MINDY2: variants seen among roughly 807,000 people sequenced by gnomAD.
The protein encoded by MINDY2 is ubiquitin carboxyl-terminal hydrolase MINDY-2.
Under a neutral mutation model 68.2 loss-of-function variants are expected in MINDY2, and 52 were observed. That is an observed-to-expected ratio of 0.76 (90% CI 0.61 to 0.96). The LOEUF (loss-of-function observed/expected upper bound fraction) is 0.96, where lower values mean the gene tolerates loss of function less well. MINDY2 is among the 40% of genes least tolerant of loss of function. The pLI is 0.00. For missense variants in MINDY2, 881 were observed against 773.4 expected, an observed-to-expected ratio of 1.14 and a Z score of -1.65; for synonymous variants, 372 against 303.0, an observed-to-expected ratio of 1.23 and a Z score of -2.36.
intron 6 of MINDY2, among the ~76,000 whole-genome samples, chr15:58,839,950 A>G (rs1487924568): frequency 2.0e-5 from 3 of 151,654 alleles, no homozygotes; most frequent in Non-Finnish European, 4.4e-5. Context: ...CTCGTGCCTC[A>G]GCCTCCCAGG....
At chr15:58,794,373 G>GTT (rs1275916386) in intron 2 of MINDY2, among the ~76,000 whole-genome samples, 1 of 150,728 alleles carries the variant, frequency 6.6e-6, no homozygotes, top group Non-Finnish European at 1.5e-5. Context: ...GTGTGTGTGT[G>GTT]TGTGTGTGTG....
chr15:58,791,811 C>A (rs1595714625), intron 2 of MINDY2, among the ~76,000 whole-genome samples: 4 of 151,644 alleles, frequency 2.6e-5, no homozygotes, highest in African/African-American at 9.7e-5. Flanking sequence ...CATATATAAA[C>A]AGTAGTTAGA....
Position 58,847,459 on chromosome 15 carries a change from C to G in MINDY2, c.1531C>G (p.Gln511Glu). ...PETVYKGQQD[Q>E]IDQDYLMALS... ...AACTGTATACAAAGGACAACAAGAT[C>G]AGATAGATCAGGTAAATTTGTATTG... is the stretch of plus-strand genomic sequence containing the variant. The change falls in exon 7 of 9, where the codon CAG becomes GAG. Residue 511 changes from glutamine (Q) to glutamate (E), a missense_variant. Gln to Glu is a conservative substitution (Grantham distance 29). Coordinates refer to ENST00000559228, the MANE Select transcript of MINDY2 (RefSeq NM_001040450.3). 1.3e-6 allele frequency: 2 copies of G among 1,550,290 alleles called. No homozygotes were observed. Among genetic ancestry groups the G allele is most frequent in the Non-Finnish European group, 1.8e-6 (2 of 1,134,628 alleles).
chr15:58,830,913 G>A (rs778246542), intron 5 of MINDY2, among the ~76,000 whole-genome samples: 7 of 151,954 alleles, frequency 4.6e-5, no homozygotes, highest in Non-Finnish European at 8.8e-5. Context: ...GCATGAAAAT[G>A]CTGCAAGTAT....
intron 5 of MINDY2, 145 bp from the exon 6 acceptor site, chr15:58,831,629 C>A: frequency 1.7e-6 from 1 of 596,806 alleles, no homozygotes; most frequent in Non-Finnish European, 2.8e-6. Context: ...CACAAATGTC[C>A]AGTTTGGAGC....
At position 58,855,897 on chromosome 15, in the gene MINDY2, G is replaced by A. The variant is rs1269163282; in HGVS notation, c.*1287G>A. ...ATCGCCCTGCTGCACTCCAGCCTGG[G>A]TGACAGAGGGAGACTCCGTCTCAAA... is the stretch of plus-strand genomic sequence containing the variant. On this transcript the variant is annotated 3_prime_UTR_variant, in exon 9 of 9. Coordinates refer to ENST00000559228, the MANE Select transcript of MINDY2 (RefSeq NM_001040450.3). The A allele has an allele frequency of 6.6e-6, 1 of 152,300 alleles. No individual in the cohort carries two copies. The highest frequency in any genetic ancestry group is 1.5e-5 in the Non-Finnish European group (1 of 68,030). The allele number at this position is 152,300 out of a possible 1,614,324, so 9.4% of individuals were successfully genotyped here.
At chr15:58,797,665 T>C (rs1445188149) in intron 2 of MINDY2, among the ~76,000 whole-genome samples, 1 of 152,230 alleles carries the variant, frequency 6.6e-6, no homozygotes, top group African/African-American at 2.4e-5. Context: ...ATAGCTCTTA[T>C]CTTCATTCTG....
At chr15:58,802,577 T>A (rs1195981329) in intron 3 of MINDY2, among the ~76,000 whole-genome samples, 200 bp downstream of exon 3, 2 of 152,144 alleles carry the variant, frequency 1.3e-5, no homozygotes, top group East Asian at 3.8e-4. Context: ...AATCCATTTT[T>A]AGCTCACAGC....
rs2030149507 is a variant in MINDY2, at chr15:58,810,382, C to A, written c.1116C>A (p.Asp372Glu). The A allele has an allele frequency of 6.4e-7, 1 of 1,568,390 alleles. No homozygotes were observed. Reference protein sequence around the residue: ...DIPLYHGWLVDPQIDDIVKAV... With the variant: ...DIPLYHGWLVEPQIDDIVKAV... ...CTTTGTACCATGGGTGGTTAGTAGA[C>A]CCTCAGGTAAGTCGAAGAATTTAAA... Residue 372 changes from aspartate to glutamate, a missense_variant, in exon 4 of 9, where the codon GAC becomes GAA. Transcript: ENST00000559228.
At chr15:58,824,479 T>C (rs1424441078) in intron 5 of MINDY2, among the ~76,000 whole-genome samples, 1 of 152,130 alleles carries the variant, frequency 6.6e-6, no homozygotes, top group African/African-American at 2.4e-5. Context: ...TAATTATATG[T>C]GTCATTTAGC....
intron 1 of MINDY2, among the ~76,000 whole-genome samples, chr15:58,772,469 A>G (rs1365689866): frequency 5.3e-5 from 8 of 152,284 alleles, no homozygotes; most frequent in Non-Finnish European, 7.4e-5. Flanking sequence ...TCAACATTCA[A>G]TTGTGGTTGA....
chr15:58,815,086 T>C (rs2030588992), intron 4 of MINDY2, among the ~76,000 whole-genome samples: 1 of 152,208 alleles, frequency 6.6e-6, no homozygotes, highest in South Asian at 2.1e-4. Context: ...AGCACTTACA[T>C]TTATGAATAT....
chr15:58,849,329 C>T (rs1450230034), intron 7 of MINDY2, among the ~76,000 whole-genome samples: 1 of 151,868 alleles, frequency 6.6e-6, no homozygotes, highest in African/African-American at 2.4e-5. Context: ...GGTGAAACCC[C>T]GTCTTTAATT....
At chr15:58,815,209 C>T (rs1258956547) in intron 4 of MINDY2, 1 of 152,130 alleles carries the variant, frequency 6.6e-6, no homozygotes, top group Non-Finnish European at 1.5e-5. Context: ...GTTATTCTTA[C>T]CCTGTTGAAT....
intron 1 of MINDY2, among the ~76,000 whole-genome samples, chr15:58,778,272 T>C (rs1268881937): frequency 6.6e-6 from 1 of 152,182 alleles, no homozygotes; most frequent in African/African-American, 2.4e-5. Context: ...GAAAAATGAA[T>C]GCACTAATTT....
intron 5 of MINDY2, among the ~76,000 whole-genome samples, chr15:58,830,333 A>G (rs1400047548): frequency 6.6e-6 from 1 of 152,160 alleles, no homozygotes; most frequent in East Asian, 1.9e-4. Context: ...CTGTTGATTC[A>G]CTAGCGTTAA....
At chr15:58,797,604 G>A (rs935116314) in intron 2 of MINDY2, among the ~76,000 whole-genome samples, 1 of 152,128 alleles carries the variant, frequency 6.6e-6, no homozygotes, top group Non-Finnish European at 1.5e-5. Context: ...GCTCAAATTC[G>A]TGGCTTGCAT....
intron 6 of MINDY2, among the ~76,000 whole-genome samples, chr15:58,845,097 A>T (rs1256932103): frequency 6.6e-6 from 1 of 151,932 alleles, no homozygotes; most frequent in Non-Finnish European, 1.5e-5. Context: ...TTCAGTAGAC[A>T]TTTCTCCAAA....
intron 6 of MINDY2, among the ~76,000 whole-genome samples, chr15:58,833,969 C>T (rs960401938): frequency 6.6e-6 from 1 of 152,132 alleles, no homozygotes; most frequent in South Asian, 2.1e-4. Flanking sequence ...TGGACAATAC[C>T]TGGCTTTCCT....
Sources: gnomAD v4.1 joint callset for allele counts (sites outside exome capture counted in the v4.1 genomes callset) on GRCh38, gnomAD v4.1.1 for gene constraint, MANE v1.5 for transcripts, NCBI Gene and HGNC (gene_info 2026-07-23, HGNC 2026-07-21) for gene names.